Variants in PTPN22 observed in about 807,000 individuals in gnomAD.
PTPN22 encodes protein tyrosine phosphatase non-receptor type 22, also known as tyrosine-protein phosphatase non-receptor type 22.
Under a neutral mutation model 103.3 loss-of-function variants are expected in PTPN22, and 85 were observed. The ratio of observed to expected loss-of-function variants is 0.82; its 90% CI spans 0.69 to 0.99. The LOEUF (loss-of-function observed/expected upper bound fraction) is 0.99. Ranked by LOEUF, PTPN22 falls within the 50% of genes least tolerant of loss-of-function variation. PTPN22 has a pLI of 0.00. For missense variants in PTPN22, 865 were observed against 936.9 expected, an observed-to-expected ratio of 0.92 and a Z score of 1.00; for synonymous variants, 323 against 310.2, an observed-to-expected ratio of 1.04 and a Z score of -0.43.
intron 11 of PTPN22, among the ~76,000 whole-genome samples, chr1:113,844,411 G>A (rs1294623636): frequency 1.3e-5 from 2 of 152,166 alleles, no homozygotes; most frequent in African/African-American, 4.8e-5. Flanking sequence ...CCAAGATCAT[G>A]CCACTGCACT....
intron 18 of PTPN22, among the ~76,000 whole-genome samples, chr1:113,828,624 C>A (rs1372192335): frequency 6.6e-6 from 1 of 152,078 alleles, no homozygotes; most frequent in Non-Finnish European, 1.5e-5. Context: ...TCTTTTTATA[C>A]ACTAATATGC....
At chr1:113,870,846 C>T (rs1274998313) in intron 1 of PTPN22, among the ~76,000 whole-genome samples, 3 of 152,094 alleles carry the variant, frequency 2.0e-5, no homozygotes, top group East Asian at 1.9e-4. Flanking sequence ...AAGCAAGGCT[C>T]GTATCTACAA....
chr1:113,858,629 TA>T, intron 3 of PTPN22, 56 bp from the exon 4 acceptor site: 1 of 1,075,826 alleles, frequency 9.3e-7, no homozygotes, highest in Non-Finnish European at 1.3e-6. Context: ...TGTTCTCACC[TA>T]GTCCTCCGCT....
intron 11 of PTPN22, among the ~76,000 whole-genome samples, chr1:113,846,332 T>C (rs1664044530): frequency 6.6e-6 from 1 of 152,322 alleles, no homozygotes; most frequent in South Asian, 2.1e-4. Flanking sequence ...TAGATATAGA[T>C]ACAGATATAT....
chr1:113,843,505 G>T (rs1051733567), intron 11 of PTPN22, among the ~76,000 whole-genome samples: 5 of 152,126 alleles, frequency 3.3e-5, no homozygotes, highest in African/African-American at 1.2e-4. Flanking sequence ...ACAGAAAGTA[G>T]AAGGATGGTT....
chr1:113,858,609 A>T, intron 3 of PTPN22, 36 bp from the exon 4 acceptor site: 1 of 1,287,144 alleles, frequency 7.8e-7, no homozygotes, highest in Non-Finnish European at 1.1e-6. Flanking sequence ...GGTGACTACA[A>T]ATAATACCCT....
chr1:113,869,702 A>C (rs1666421071), intron 1 of PTPN22, among the ~76,000 whole-genome samples: 1 of 152,090 alleles, frequency 6.6e-6, no homozygotes, highest in Non-Finnish European at 1.5e-5. Context: ...GCCAGTCTAC[A>C]TTATTTTAAA....
chr1:113,847,127 G>A (rs1021489773), intron 11 of PTPN22, among the ~76,000 whole-genome samples: 11 of 140,922 alleles, frequency 7.8e-5, no homozygotes, highest in Non-Finnish European at 1.7e-4. Context: ...TCTTTTTTCC[G>A]TACCCTCTAT....
chr1:113,817,287 T>C (rs1661241081), intron 20 of PTPN22, among the ~76,000 whole-genome samples: 1 of 152,216 alleles, frequency 6.6e-6, no homozygotes, highest in African/African-American at 2.4e-5. Flanking sequence ...CAATTCTCAG[T>C]AGCTTAAAAC....
At chr1:113,829,522 G>T (rs2101919777) in intron 18 of PTPN22, 70 bp downstream of exon 18, 2 of 752,620 alleles carry the variant, frequency 2.7e-6, no homozygotes, top group Non-Finnish European at 4.3e-6. Context: ...CCATCTTAAT[G>T]CTGGGGAGGG....
chr1:113,830,175 G>T, intron 16 of PTPN22, 146 bp from the exon 17 acceptor site: 1 of 661,558 alleles, frequency 1.5e-6, no homozygotes, highest in Non-Finnish European at 2.5e-6. Flanking sequence ...AATGACTGGA[G>T]CCTCAAGAAC....
At chr1:113,869,642 G>T (rs182993796) in intron 1 of PTPN22, among the ~76,000 whole-genome samples, 36 of 152,150 alleles carry the variant, frequency 2.4e-4, no homozygotes, top group African/African-American at 8.2e-4. Context: ...TGATCCACCC[G>T]CCTCGGCCTC....
chr1:113,828,111 AT>A (rs1662246790), intron 18 of PTPN22, among the ~76,000 whole-genome samples: 1 of 152,170 alleles, frequency 6.6e-6, no homozygotes, highest in Non-Finnish European at 1.5e-5. Flanking sequence ...ATTATTTTCT[AT>A]GAATTTCTAA....
At chr1:113,856,992 T>C (rs1383700338) in intron 5 of PTPN22, among the ~76,000 whole-genome samples, 3 of 152,196 alleles carry the variant, frequency 2.0e-5, no homozygotes, top group Non-Finnish European at 4.4e-5. Flanking sequence ...AACAGTGATA[T>C]CCAGTAAAAA....
chr1:113,845,194 G>GT (rs1322305042), intron 11 of PTPN22, among the ~76,000 whole-genome samples: 203 of 141,358 alleles, frequency 1.4e-3, no homozygotes, highest in Non-Finnish European at 2.6e-3. Context: ...TTTTGTTTTT[G>GT]TTTTTGTTTT....
intron 11 of PTPN22, among the ~76,000 whole-genome samples, chr1:113,840,393 T>A (rs1440893537): frequency 6.6e-6 from 1 of 152,002 alleles, no homozygotes; most frequent in Non-Finnish European, 1.5e-5. Flanking sequence ...ACATTAGCAA[T>A]GAACAATCTG....
intron 10 of PTPN22, among the ~76,000 whole-genome samples, chr1:113,849,659 C>T (rs919594599): frequency 2.0e-5 from 3 of 150,860 alleles, no homozygotes; most frequent in African/African-American, 7.3e-5. Context: ...GCAATCTCGG[C>T]TTACTGCAGC....
intron 7 of PTPN22, among the ~76,000 whole-genome samples, chr1:113,855,503 CAAAAA>C (rs58516952): frequency 2.1e-4 from 18 of 84,422 alleles, no homozygotes; most frequent in South Asian, 4.2e-4. Flanking sequence ...GACTCTGTCT[CAAAAA>C]AAAAAAAAAA....
intron 19 of PTPN22, among the ~76,000 whole-genome samples, chr1:113,822,947 A>G (rs1661740395): frequency 6.6e-6 from 1 of 152,224 alleles, no homozygotes; most frequent in Non-Finnish European, 1.5e-5. Context: ...CGACAGAGCT[A>G]GACTCCGTCT....
Sources: gnomAD v4.1 joint callset for allele counts (sites outside exome capture counted in the v4.1 genomes callset) on GRCh38, gnomAD v4.1.1 for gene constraint, MANE v1.5 for transcripts, NCBI Gene and HGNC (gene_info 2026-07-23, HGNC 2026-07-21) for gene names.